The following FOXN3 variants were observed in gnomAD, a reference collection of about 807,000 sequenced individuals.
FOXN3 encodes forkhead box N3.
Under a neutral mutation model 38.4 loss-of-function variants are expected in FOXN3, and 7 were observed. That is an observed-to-expected ratio of 0.18 (90% confidence interval 0.10 to 0.34). The LOEUF (loss-of-function observed/expected upper bound fraction) is 0.34. Among genes scored for constraint, FOXN3 ranks in the 10% least tolerant of loss-of-function variants. The pLI is 1.00. For missense variants in FOXN3, 456 were observed against 613.4 expected (o/e 0.74, Z 2.71); for synonymous variants, 230 against 242.2 (o/e 0.95, Z 0.47).
At chr14:89,411,882 T>C in intron 2 of FOXN3, 52 bp downstream of exon 2, 1 of 1,218,530 alleles carries the variant, frequency 8.2e-7, no homozygotes, top group Admixed American at 2.8e-5. Flanking sequence ...GAGAAAAATT[T>C]TAAATTAAAA....
chr14:89,279,776 A>C (rs1886403015), intron 4 of FOXN3, among the ~76,000 whole-genome samples: 1 of 152,178 alleles, frequency 6.6e-6, no homozygotes, highest in South Asian at 2.1e-4. Context: ...ATACAAAGAA[A>C]CGCTTGATTT....
chr14:89,264,359 GA>G, intron 4 of FOXN3, among the ~76,000 whole-genome samples: 1 of 152,230 alleles, frequency 6.6e-6, no homozygotes, highest in African/African-American at 2.4e-5. Context: ...AGCAAAAGGG[GA>G]AAACCCTTAT....
intron 1 of FOXN3, among the ~76,000 whole-genome samples, chr14:89,444,596 A>G (rs1892456010): frequency 6.6e-6 from 1 of 152,190 alleles, no homozygotes; most frequent in South Asian, 2.1e-4. Flanking sequence ...ACCCAATTTT[A>G]TCATTTACAA....
Position 89,438,340 on chromosome 14 carries a change from C to T in FOXN3, c.-14-25850G>A, listed in dbSNP as rs187843846. On this transcript the variant is annotated intron_variant, in intron 1 of 6. Transcript: ENST00000345097. Reference sequence around the variant, plus strand: ...AACATTTAAATGCCATAAAATCTGACGCCTTATATATGAAAGAAACTTAAG... The same window carrying T: ...AACATTTAAATGCCATAAAATCTGATGCCTTATATATGAAAGAAACTTAAG... Among the ~76,000 whole-genome samples the T allele has an allele frequency of 2.9e-3, 447 of 152,284 alleles. 2 individuals carry two copies. The highest frequency in any genetic ancestry group is 1.0e-2 in the African/African-American group (415 of 41,558).
chr14:89,406,664 A>C (rs1891396237), intron 2 of FOXN3, among the ~76,000 whole-genome samples: 1 of 152,194 alleles, frequency 6.6e-6, no homozygotes, highest in South Asian at 2.1e-4. Flanking sequence ...TATAAGCTAA[A>C]ATTGTATTTA....
chr14:89,337,094 A>G (rs568806104), intron 3 of FOXN3, among the ~76,000 whole-genome samples: 13 of 152,206 alleles, frequency 8.5e-5, no homozygotes, highest in South Asian at 2.1e-4. Context: ...GTCCTTAGGT[A>G]GTCAGGCCAT....
At chr14:89,518,031 AAACT>A (rs1894240453) in intron 1 of FOXN3, among the ~76,000 whole-genome samples, 1 of 152,174 alleles carries the variant, frequency 6.6e-6, no homozygotes, top group Admixed American at 6.5e-5. Flanking sequence ...AGACCCCACA[AAACT>A]ACAAACAGCA....
Position 89,476,462 on chromosome 14 carries a change from C to T in FOXN3, c.-14-63972G>A, listed in dbSNP as rs550101311. ...TGCTCTCGCGTGTACTATGTTGACA[C>T]CACCACTGAGGGAGCTATGAGCTTT... On this transcript the variant is annotated intron_variant, in intron 1 of 6. Transcript: ENST00000345097. 1.1e-3 allele frequency among the ~76,000 whole-genome samples: 162 copies of T among 152,340 alleles called. 1 individual carries two copies. The highest frequency in any genetic ancestry group is 2.3e-3 in the Admixed American group (35 of 15,306).
At chr14:89,496,383 C>T (rs891052796) in intron 1 of FOXN3, among the ~76,000 whole-genome samples, 3 of 151,796 alleles carry the variant, frequency 2.0e-5, no homozygotes, top group African/African-American at 7.3e-5. Flanking sequence ...GTGCAGCAAG[C>T]GCTCCCAGAG....
At chr14:89,341,542 C>T (rs1218024346) in intron 3 of FOXN3, among the ~76,000 whole-genome samples, 1 of 152,174 alleles carries the variant, frequency 6.6e-6, no homozygotes, top group African/African-American at 2.4e-5. Context: ...TTCTTAATCT[C>T]CCTCCTTTGT....
intron 1 of FOXN3, among the ~76,000 whole-genome samples, chr14:89,504,029 GAC>G (rs1302258229): frequency 5.3e-5 from 8 of 152,182 alleles, no homozygotes; most frequent in Non-Finnish European, 1.0e-4. Flanking sequence ...ACCTTGCTCT[GAC>G]ACTTGTTTGC....
intron 5 of FOXN3, among the ~76,000 whole-genome samples, chr14:89,172,309 C>A (rs58539031): frequency 0.013 from 2,013 of 152,240 alleles, 51 homozygotes; most frequent in African/African-American, 0.046. Context: ...TGGCCTCAAA[C>A]TCCCGGGCTT....
intron 3 of FOXN3, among the ~76,000 whole-genome samples, chr14:89,296,201 C>T (rs1158385092): frequency 2.6e-5 from 4 of 152,070 alleles, no homozygotes; most frequent in African/African-American, 7.3e-5. Flanking sequence ...ACCACGGCTA[C>T]GATTTTACAT....
chr14:89,558,828 G>A (rs145739179), intron 1 of FOXN3, among the ~76,000 whole-genome samples: 25 of 152,278 alleles, frequency 1.6e-4, no homozygotes, highest in South Asian at 2.1e-4. Flanking sequence ...AGGTCGGGGC[G>A]ACAGCAGGGC....
intron 4 of FOXN3, among the ~76,000 whole-genome samples, chr14:89,196,697 G>A (rs1888108502): frequency 1.3e-5 from 2 of 152,170 alleles, no homozygotes; most frequent in Admixed American, 1.3e-4. Context: ...AGCCTGTCCT[G>A]ATGGGTCCCT....
At chr14:89,215,797 T>C (rs999988653) in intron 4 of FOXN3, among the ~76,000 whole-genome samples, 1 of 152,096 alleles carries the variant, frequency 6.6e-6, no homozygotes, top group Non-Finnish European at 1.5e-5. Flanking sequence ...TTCCTGCGTC[T>C]GGCGGCGGCG....
chr14:89,591,430 C>T (rs1895948118), intron 1 of FOXN3, among the ~76,000 whole-genome samples: 1 of 152,156 alleles, frequency 6.6e-6, no homozygotes, highest in Admixed American at 6.5e-5. Context: ...AGGAAAACCT[C>T]CGGAGAGATA....
chr14:89,211,841 T>C (rs540220287), intron 4 of FOXN3, among the ~76,000 whole-genome samples: 1 of 152,354 alleles, frequency 6.6e-6, no homozygotes, highest in Admixed American at 6.5e-5. Context: ...TGTGTTCTGC[T>C]AGGGACTGAA....
chr14:89,301,891 G>C (rs181258511), intron 3 of FOXN3, among the ~76,000 whole-genome samples: 1 of 152,224 alleles, frequency 6.6e-6, no homozygotes, highest in African/African-American at 2.4e-5. Flanking sequence ...AGAAAGGCCC[G>C]GCCCGACCTC....
Sources: allele counts gnomAD v4.1 joint callset (sites outside exome capture counted in the v4.1 genomes callset), GRCh38; gene constraint gnomAD v4.1.1; transcripts MANE v1.5; gene names NCBI Gene and HGNC (gene_info 2026-07-23, HGNC 2026-07-21).